The following AR variants were observed in gnomAD, a reference collection of about 807,000 sequenced individuals.
AR encodes androgen receptor.
Under a neutral mutation model 53.9 loss-of-function variants are expected in AR, and 8 were observed. The ratio of observed to expected loss-of-function variants is 0.15; its 90% CI spans 0.09 to 0.27. The LOEUF is 0.27. Among genes scored for constraint, AR ranks in the 10% least tolerant of loss-of-function variants. The pLI is 1.00. For missense variants in AR, 639 were observed against 742.5 expected, an observed-to-expected ratio of 0.86 and a Z score of 1.62; for synonymous variants, 359 against 316.4, an observed-to-expected ratio of 1.13 and a Z score of -1.43.
chrX:67,638,786 C>T (rs895688197), intron 1 of AR, among the ~76,000 whole-genome samples: 1 of 112,061 alleles, frequency 8.9e-6, no homozygotes, highest in African/African-American at 3.2e-5. Flanking sequence ...TGCTTGTTCA[C>T]TCTGATGATC....
chrX:67,685,065 A>C (rs1050486458), intron 2 of AR, among the ~76,000 whole-genome samples: 1 of 111,402 alleles, frequency 9.0e-6, no homozygotes, highest in African/African-American at 3.3e-5. Context: ...CAGAAGCTGA[A>C]GCTGGAGCAC....
At chrX:67,642,850 T>G (rs1925857934) in intron 1 of AR, among the ~76,000 whole-genome samples, 1 of 111,776 alleles carries the variant, frequency 8.9e-6, no homozygotes, top group African/African-American at 3.3e-5. Context: ...CACTTTGATA[T>G]TTGGTCTGGT....
chrX:67,618,831 C>T (rs1924237369), intron 1 of AR, among the ~76,000 whole-genome samples: 1 of 110,840 alleles, frequency 9.0e-6, no homozygotes, highest in Non-Finnish European at 1.9e-5. Context: ...ATAAGCAAAG[C>T]TACAGGGGCA....
chrX:67,575,389 G>A (rs1013870328), intron 1 of AR, among the ~76,000 whole-genome samples: 1 of 111,832 alleles, frequency 8.9e-6, no homozygotes, highest in African/African-American at 3.2e-5. Context: ...AGAGTGTGTA[G>A]AAATAATTGT....
In AR at chrX:67,675,230, C is replaced by T. The variant is rs771413869; in HGVS notation, c.1769-10780C>T. On this transcript the variant is annotated intron_variant, in intron 2 of 7. Transcript: ENST00000374690. ...TCTTCAAGCAGAAGGAATGAGTCCG[C>T]CCTGGAGTTGGGAGCTGCATTGCCT... Among the ~76,000 whole-genome samples the T allele has an allele frequency of 2.9e-4, 31 of 108,094 alleles. No individual in the cohort carries two copies. In the South Asian group the frequency reaches 0.013, roughly 44 times the overall value. The allele number at this position is 108,094 out of a possible 115,157, so 93.9% of individuals were successfully genotyped here. A position where few individuals can be genotyped will look rare whatever the true frequency, so the allele number is the denominator to read the frequency against.
intron 2 of AR, among the ~76,000 whole-genome samples, chrX:67,682,692 TA>T (rs2075942694): frequency 9.0e-6 from 1 of 111,588 alleles, no homozygotes; most frequent in African/African-American, 3.3e-5. Flanking sequence ...AGAAATTGAA[TA>T]AATAATAGGA....
At chrX:67,670,051 T>C (rs1461377061) in intron 2 of AR, among the ~76,000 whole-genome samples, 1 of 94,776 alleles carries the variant, frequency 1.1e-5, no homozygotes, top group East Asian at 3.4e-4. Flanking sequence ...TCATTAGTTT[T>C]GGGGGCACAA....
At chrX:67,618,414 G>A (rs1245567858) in intron 1 of AR, among the ~76,000 whole-genome samples, 1 of 111,319 alleles carries the variant, frequency 9.0e-6, no homozygotes, top group East Asian at 2.8e-4. Flanking sequence ...TGCCCTTTGA[G>A]AGATAACATT....
intron 2 of AR, among the ~76,000 whole-genome samples, chrX:67,670,214 A>G (rs994786830): frequency 2.3e-5 from 2 of 87,827 alleles, no homozygotes; most frequent in Non-Finnish European, 4.4e-5. Flanking sequence ...ATACAACTAC[A>G]TATTGGGTAA....
chrX:67,622,701 A>T, intron 1 of AR, among the ~76,000 whole-genome samples: 1 of 112,014 alleles, frequency 8.9e-6, no homozygotes, highest in East Asian at 2.8e-4. Context: ...TAGATTTCAA[A>T]GTAAATATTT....
chrX:67,562,611 C>G (rs1010748240), intron 1 of AR, among the ~76,000 whole-genome samples: 2 of 111,318 alleles, frequency 1.8e-5, no homozygotes, highest in Admixed American at 1.9e-4. Context: ...ACCTGCTTGA[C>G]TCTTCTAGTC....
At chrX:67,723,200 G>T (rs1032250871) in intron 7 of AR, among the ~76,000 whole-genome samples, 1 of 109,728 alleles carries the variant, frequency 9.1e-6, no homozygotes, top group Non-Finnish European at 1.9e-5. Flanking sequence ...TGAGAACAGA[G>T]CAGTTGGGAC....
chrX:67,632,672 A>T (rs1332619346), intron 1 of AR, among the ~76,000 whole-genome samples: 1 of 112,279 alleles, frequency 8.9e-6, no homozygotes, highest in African/African-American at 3.2e-5. Flanking sequence ...AGAAAAAAAA[A>T]TTGTTAAATT....
intron 1 of AR, among the ~76,000 whole-genome samples, chrX:67,592,477 G>A (rs937354505): frequency 9.0e-6 from 1 of 110,892 alleles, no homozygotes; most frequent in Admixed American, 9.6e-5. Flanking sequence ...CTTTCTAGGA[G>A]TATCTCTGTT....
intron 1 of AR, among the ~76,000 whole-genome samples, chrX:67,616,141 A>T (rs1040828534): frequency 2.7e-5 from 3 of 111,269 alleles, no homozygotes; most frequent in African/African-American, 9.8e-5. Context: ...ATGATGCAAA[A>T]ATACAGTTTT....
chrX:67,638,686 A>T (rs1361118723), intron 1 of AR, among the ~76,000 whole-genome samples: 5 of 111,565 alleles, frequency 4.5e-5, no homozygotes, highest in African/African-American at 1.6e-4. Context: ...TTTTTCTTGT[A>T]AATTTGTTTA....
Position 67,690,133 on chromosome X carries a change from G to T in AR, c.1885+4007G>T, listed in dbSNP as rs151111083. Among the ~76,000 whole-genome samples, 83 of 112,170 alleles carry T rather than the reference G, an allele frequency of 7.4e-4. No homozygotes were observed. In the East Asian group the frequency reaches 0.021, roughly 29 times the overall value. ...TTCAGGTAGCAGCCAAACCCCAGAA[G>T]AAGAGAAGGAACACAGAGACCTAGA... On this transcript the variant is annotated intron_variant, in intron 3 of 7. Transcript: ENST00000374690.
rs2075972313 is a variant in AR, at chrX:67,687,351, C to T, written c.1885+1225C>T. Among the ~76,000 whole-genome samples the T allele has an allele frequency of 4.5e-5, 5 of 112,010 alleles. No homozygotes were observed. In the Admixed American group the frequency reaches 4.7e-4, roughly 11 times the overall value. On this transcript the variant is annotated intron_variant, in intron 3 of 7. Transcript: ENST00000374690. Reference sequence around the variant, plus strand: ...GGGCAGTAGTATTATTTAAACAGAACAAAGTACCTCACATGAATTGACCCA... The same window carrying T: ...GGGCAGTAGTATTATTTAAACAGAATAAAGTACCTCACATGAATTGACCCA...
At chrX:67,566,204 A>G (rs959457575) in intron 1 of AR, among the ~76,000 whole-genome samples, 1 of 111,758 alleles carries the variant, frequency 8.9e-6, no homozygotes, top group African/African-American at 3.3e-5. Context: ...CTAATTAATT[A>G]TTTTATTCAT....
Sources: gnomAD v4.1 joint callset for allele counts (sites outside exome capture counted in the v4.1 genomes callset) on GRCh38, gnomAD v4.1.1 for gene constraint, MANE v1.5 for transcripts, NCBI Gene and HGNC (gene_info 2026-07-23, HGNC 2026-07-21) for gene names.